AFF4: variants seen among roughly 807,000 people sequenced by gnomAD.
The protein encoded by AFF4 is AF4/FMR2 family member 4.
A neutral mutation model predicts 124.8 loss-of-function variants in AFF4; 13 were observed. That is an observed-to-expected ratio of 0.10 (90% CI 0.07 to 0.17). The LOEUF (loss-of-function observed/expected upper bound fraction) is 0.17. Ranked by LOEUF, AFF4 falls within the 10% of genes least tolerant of loss-of-function variation. The pLI, the probability that AFF4 is intolerant of heterozygous loss-of-function variation, is 1.00. For missense variants in AFF4, 1,092 were observed against 1,403.8 expected (o/e 0.78, Z 3.55); for synonymous variants, 477 against 496.1 (o/e 0.96, Z 0.51).
chr5:132,941,922 G>A (rs200859738), intron 1 of AFF4, among the ~76,000 whole-genome samples: 3 of 151,068 alleles, frequency 2.0e-5, no homozygotes, highest in African/African-American at 7.3e-5. Flanking sequence ...CAGGAGAATC[G>A]CTTGAACCCA....
chr5:132,943,970 A>G, intron 1 of AFF4: 1 of 156,190 alleles, frequency 6.4e-6, no homozygotes, highest in South Asian at 2.0e-4. Flanking sequence ...ATTCCTGGCA[A>G]GCCCACACGT....
rs573256398 is a variant in AFF4, at chr5:132,914,158, G to A, written c.1051-9754C>T. 1.4e-4 allele frequency among the ~76,000 whole-genome samples: 21 copies of A among 152,116 alleles called. 1 individual carries two copies. The South Asian group carries it at 4.4e-3, about 32-fold the overall frequency. ...CAGGAGAATCCTTTGAACCGGTGAG[G>A]TGGAGGTTACAATGATTCGAGATCT... On this transcript the variant is annotated intron_variant, in intron 5 of 20. Coordinates refer to ENST00000265343, the MANE Select transcript of AFF4 (RefSeq NM_014423.4).
Position 132,939,797 on chromosome 5 carries a change from G to A in AFF4, c.-4-2604C>T, listed in dbSNP as rs974823730. 2.2e-4 allele frequency among the ~76,000 whole-genome samples: 33 copies of A among 152,252 alleles called. 1 individual carries two copies. Among genetic ancestry groups the A allele is most frequent in the African/African-American group, 2.2e-4 (9 of 41,566 alleles). ...GGCTAATTTTTGTATTTTTAGTAGC[G>A]ATGGGGTTTCACCGAGTTGGCCAAA... On this transcript the variant is annotated intron_variant, in intron 1 of 20. Coordinates refer to ENST00000265343, the MANE Select transcript of AFF4 (RefSeq NM_014423.4).
intron 1 of AFF4, chr5:132,948,671 T>C (rs1761757345): frequency 1.0e-5 from 2 of 190,910 alleles, no homozygotes; most frequent in Admixed American, 4.9e-5. Context: ...CTATAGACCA[T>C]GACTGAAAGA....
intron 13 of AFF4, among the ~76,000 whole-genome samples, chr5:132,890,589 G>A (rs1438048187): frequency 2.6e-5 from 4 of 152,180 alleles, no homozygotes; most frequent in East Asian, 3.9e-4. Context: ...TTCTTTAGTT[G>A]ATAGAATAAA....
intron 2 of AFF4, among the ~76,000 whole-genome samples, chr5:132,936,499 C>A (rs948300394): frequency 3.3e-5 from 5 of 152,088 alleles, no homozygotes; most frequent in Non-Finnish European, 5.9e-5. Flanking sequence ...CTAATAATCT[C>A]TGAAACTTTG....
chr5:132,956,410 T>C (rs1761958590), intron 1 of AFF4, among the ~76,000 whole-genome samples: 1 of 152,026 alleles, frequency 6.6e-6, no homozygotes, highest in Non-Finnish European at 1.5e-5. Context: ...GCAGGTGGAT[T>C]ACCAGAGGTC....
At chr5:132,944,290 T>C (rs1761643906) in intron 1 of AFF4, among the ~76,000 whole-genome samples, 1 of 151,056 alleles carries the variant, frequency 6.6e-6, no homozygotes, top group Non-Finnish European at 1.5e-5. Flanking sequence ...TGAGCCGAGA[T>C]CGTGCCGCTG....
chr5:132,902,292 C>G (rs1760570410), intron 7 of AFF4, 150 bp downstream of exon 7: 4 of 566,418 alleles, frequency 7.1e-6, no homozygotes, highest in South Asian at 6.7e-5. Context: ...ACGTGATCTG[C>G]CTGCCTTGGC....
intron 2 of AFF4, among the ~76,000 whole-genome samples, chr5:132,936,431 T>C (rs1188424590): frequency 6.6e-6 from 1 of 152,052 alleles, no homozygotes; most frequent in Non-Finnish European, 1.5e-5. Context: ...CAAATGACTG[T>C]CTATAACAAC....
intron 5 of AFF4, among the ~76,000 whole-genome samples, chr5:132,922,998 A>C (rs1761085526): frequency 6.6e-6 from 1 of 151,562 alleles, no homozygotes; most frequent in African/African-American, 2.4e-5. Context: ...AACATGGTGA[A>C]ACCTCGCCTC....
intron 1 of AFF4, among the ~76,000 whole-genome samples, chr5:132,962,331 A>G (rs1271125777): frequency 1.3e-5 from 2 of 152,236 alleles, no homozygotes; most frequent in African/African-American, 4.8e-5. Flanking sequence ...ACACTGGTCA[A>G]TGGAAAAGTG....
intron 3 of AFF4, among the ~76,000 whole-genome samples, chr5:132,932,471 T>C (rs1401052939): frequency 6.6e-6 from 1 of 152,242 alleles, no homozygotes. Context: ...TCCTATATTT[T>C]AGATTAGAAA....
chr5:132,914,685 A>G (rs1046710715), intron 5 of AFF4, among the ~76,000 whole-genome samples: 1 of 152,122 alleles, frequency 6.6e-6, no homozygotes, highest in African/African-American at 2.4e-5. Flanking sequence ...TAAAAAACAA[A>G]AACAACAGAG....
chr5:132,954,146 G>C (rs1761900799), intron 1 of AFF4, among the ~76,000 whole-genome samples: 1 of 152,128 alleles, frequency 6.6e-6, no homozygotes, highest in Non-Finnish European at 1.5e-5. Flanking sequence ...TGGCACCAGG[G>C]ACCAGTTTCA....
intron 1 of AFF4, among the ~76,000 whole-genome samples, chr5:132,961,084 G>A (rs755138655): frequency 1.3e-5 from 2 of 152,070 alleles, no homozygotes; most frequent in Non-Finnish European, 2.9e-5. Flanking sequence ...CATTAACTGG[G>A]AATGGTAGTG....
At position 132,938,104 on chromosome 5, in the gene AFF4, G is replaced by GT. The variant is rs1333286175; in HGVS notation, c.-4-912dup. On this transcript the variant is annotated intron_variant, in intron 1 of 20. Coordinates refer to ENST00000265343, the MANE Select transcript of AFF4 (RefSeq NM_014423.4). ...AGATTAAATAATCAGACCTGGTTTT[G>GT]TTTTTTTTTTTAAAAAAAAAGGCTC... Among the ~76,000 whole-genome samples, 1,205 of 143,218 alleles carry GT rather than the reference G, an allele frequency of 8.4e-3. 9 individuals carry two copies. The highest frequency in any genetic ancestry group is 0.012 in the Non-Finnish European group (758 of 65,218). The allele number at this position is 143,218 out of a possible 152,430, so 94.0% of individuals were successfully genotyped here.
intron 1 of AFF4, among the ~76,000 whole-genome samples, chr5:132,949,039 T>C (rs185417269): frequency 1.8e-4 from 28 of 152,152 alleles, no homozygotes; most frequent in Non-Finnish European, 3.2e-4. Context: ...ATTTATAGAT[T>C]TGAAGATGGC....
In AFF4 at chr5:132,932,166, TA is replaced by T. The variant is rs200054068; in HGVS notation, c.963+11del. 5 of 1,577,020 alleles carry T rather than the reference TA, an allele frequency of 3.2e-6. No homozygotes were observed. In the Admixed American group the frequency reaches 5.5e-5, roughly 17 times the overall value. On this transcript the variant is annotated intron_variant, in intron 4 of 20. Coordinates refer to ENST00000265343, the MANE Select transcript of AFF4 (RefSeq NM_014423.4). ...TTAAAGAAATTGAAATGATTTTTTT[TA>T]AAAAACTTACTTTTAGGATTTCATC...
Sources: allele counts gnomAD v4.1 joint callset (sites outside exome capture counted in the v4.1 genomes callset), GRCh38; gene constraint gnomAD v4.1.1; transcripts MANE v1.5; gene names NCBI Gene and HGNC (gene_info 2026-07-23, HGNC 2026-07-21).